The following CDKAL1 variants were observed in gnomAD, a reference collection of about 807,000 sequenced individuals.
CDKAL1 encodes the protein threonylcarbamoyladenosine tRNA methylthiotransferase.
CDKAL1 carries 32 observed loss-of-function variants against 68.2 expected under a neutral mutation model. The ratio of observed to expected loss-of-function variants is 0.47; its 90% CI spans 0.35 to 0.63. The LOEUF (loss-of-function observed/expected upper bound fraction) is 0.63, where lower values mean the gene tolerates loss of function less well. Among genes scored for constraint, CDKAL1 ranks in the 30% least tolerant of loss-of-function variants. The pLI is 0.00. For missense variants in CDKAL1, 606 were observed against 696.7 expected (o/e 0.87, Z 1.47); for synonymous variants, 234 against 244.3 (o/e 0.96, Z 0.39).
intron 5 of CDKAL1, among the ~76,000 whole-genome samples, chr6:20,703,802 CATG>C (rs1390144205): frequency 1.3e-5 from 2 of 152,082 alleles, no homozygotes; most frequent in Non-Finnish European, 2.9e-5. Flanking sequence ...AGTGTAAAAA[CATG>C]ATGTTATATA....
At chr6:20,554,006 G>C (rs909813890) in intron 4 of CDKAL1, among the ~76,000 whole-genome samples, 5 of 151,176 alleles carry the variant, frequency 3.3e-5, no homozygotes, top group Non-Finnish European at 4.4e-5. Context: ...TTTTAGTAAC[G>C]ATGGGGTTTT....
intron 11 of CDKAL1, among the ~76,000 whole-genome samples, chr6:21,012,786 G>A (rs963427053): frequency 1.3e-5 from 2 of 152,096 alleles, no homozygotes; most frequent in African/African-American, 4.8e-5. Flanking sequence ...GTGGCATTAG[G>A]GTGAATGCTC....
chr6:21,128,836 A>G (rs1175521182), intron 13 of CDKAL1, among the ~76,000 whole-genome samples: 1 of 152,270 alleles, frequency 6.6e-6, no homozygotes, highest in Non-Finnish European at 1.5e-5. Flanking sequence ...AATATATTCC[A>G]TCAATCTTTC....
intron 13 of CDKAL1, among the ~76,000 whole-genome samples, chr6:21,181,310 T>C (rs74991976): frequency 0.14 from 21,567 of 152,180 alleles, 1,803 homozygotes; most frequent in Non-Finnish European, 0.19. Flanking sequence ...CATACCAAAA[T>C]TTGATTCCCA....
chr6:20,721,974 T>TCC (rs1310372797), intron 5 of CDKAL1, among the ~76,000 whole-genome samples: 1 of 151,578 alleles, frequency 6.6e-6, no homozygotes, highest in Non-Finnish European at 1.5e-5. Flanking sequence ...CTCATGATCC[T>TCC]CCCCCCTTGG....
chr6:20,612,990 TACAC>T (rs55999857), intron 4 of CDKAL1, among the ~76,000 whole-genome samples: 5,877 of 129,816 alleles, frequency 0.045, 174 homozygotes, highest in African/African-American at 0.085. Context: ...TTGCAATTTC[TACAC>T]ACACACACAC....
At chr6:21,074,492 G>A (rs185812373) in intron 12 of CDKAL1, among the ~76,000 whole-genome samples, 37 of 152,230 alleles carry the variant, frequency 2.4e-4, no homozygotes, top group Non-Finnish European at 1.5e-4. Flanking sequence ...TTCAATCCAC[G>A]AGACTCTTCT....
chr6:20,620,585 C>T (rs1182863526), intron 4 of CDKAL1, among the ~76,000 whole-genome samples: 1 of 152,144 alleles, frequency 6.6e-6, no homozygotes, highest in Non-Finnish European at 1.5e-5. Context: ...GAATATAATG[C>T]TCTTTCTTAC....
chr6:21,150,915 G>A (rs576520425), intron 13 of CDKAL1, among the ~76,000 whole-genome samples: 3 of 152,306 alleles, frequency 2.0e-5, no homozygotes, highest in African/African-American at 7.2e-5. Flanking sequence ...AATGACAGCA[G>A]TGCCTGCCTG....
intron 11 of CDKAL1, among the ~76,000 whole-genome samples, chr6:21,059,621 C>T (rs1196040880): frequency 1.3e-5 from 2 of 152,126 alleles, no homozygotes; most frequent in Admixed American, 1.3e-4. Flanking sequence ...GTGGGTTGCG[C>T]CAACCACCTA....
At chr6:20,830,189 A>G (rs1046445396) in intron 8 of CDKAL1, among the ~76,000 whole-genome samples, 2 of 152,176 alleles carry the variant, frequency 1.3e-5, no homozygotes, top group African/African-American at 4.8e-5. Flanking sequence ...ATTTTCTACC[A>G]GTTACATGAT....
intron 7 of CDKAL1, among the ~76,000 whole-genome samples, chr6:20,761,888 C>T (rs146549654): frequency 1.6e-3 from 242 of 152,160 alleles, no homozygotes; most frequent in Admixed American, 3.2e-3. Context: ...TGAACAACAC[C>T]AAGCGTGAAC....
chr6:20,896,390 G>T (rs564562328), intron 9 of CDKAL1, among the ~76,000 whole-genome samples: 1 of 152,174 alleles, frequency 6.6e-6, no homozygotes, highest in African/African-American at 2.4e-5. Context: ...GAGCCACCAC[G>T]CCTGGCCTCT....
intron 12 of CDKAL1, among the ~76,000 whole-genome samples, chr6:21,107,812 C>T (rs1171622102): frequency 6.6e-6 from 1 of 152,198 alleles, no homozygotes; most frequent in African/African-American, 2.4e-5. Context: ...GCCTGTATAA[C>T]TCATACATTC....
intron 12 of CDKAL1, among the ~76,000 whole-genome samples, chr6:21,103,226 C>T (rs11968036): frequency 0.076 from 11,509 of 152,182 alleles, 492 homozygotes; most frequent in South Asian, 0.094. Context: ...TTCGTGGATG[C>T]TGCTAAAATT....
intron 4 of CDKAL1, among the ~76,000 whole-genome samples, chr6:20,637,890 TA>T (rs759475523): frequency 5.3e-5 from 8 of 152,202 alleles, no homozygotes; most frequent in Non-Finnish European, 7.4e-5. Context: ...TTTATTGTCT[TA>T]TTTTTTTTTC....
chr6:20,732,488 T>C (rs1240230443), intron 5 of CDKAL1, among the ~76,000 whole-genome samples: 1 of 150,756 alleles, frequency 6.6e-6, no homozygotes, highest in African/African-American at 2.4e-5. Flanking sequence ...GGTTTCATCA[T>C]GTTGGCCAAG....
At chr6:20,630,958 C>T (rs1050213985) in intron 4 of CDKAL1, among the ~76,000 whole-genome samples, 2 of 152,148 alleles carry the variant, frequency 1.3e-5, no homozygotes, top group Non-Finnish European at 2.9e-5. Context: ...TTATTTAGTT[C>T]TAATTTATTA....
intron 7 of CDKAL1, among the ~76,000 whole-genome samples, chr6:20,780,213 T>C (rs1775359600): frequency 6.6e-6 from 1 of 152,152 alleles, no homozygotes; most frequent in African/African-American, 2.4e-5. Context: ...GATTTTTTTG[T>C]ATTGTATTCT....
Sources: allele counts gnomAD v4.1 joint callset (sites outside exome capture counted in the v4.1 genomes callset), GRCh38; gene constraint gnomAD v4.1.1; transcripts MANE v1.5; gene names NCBI Gene and HGNC (gene_info 2026-07-23, HGNC 2026-07-21).